The following LRRC20 variants were observed in gnomAD, a reference collection of about 807,000 sequenced individuals.
The protein encoded by LRRC20 is leucine rich repeat containing 20, also known as leucine-rich repeat-containing protein 20.
In LRRC20, 11 loss-of-function variants were observed where a neutral mutation model predicts 14.4. That is an observed-to-expected ratio of 0.77 (90% CI 0.48 to 1.27). LRRC20 has a LOEUF of 1.27. LRRC20 is among the 50% of genes most tolerant of loss of function. The pLI is 0.00. For synonymous variants in LRRC20, 121 were observed against 107.3 expected (o/e 1.13, Z -0.79); for missense variants, 219 against 251.2 (o/e 0.87, Z 0.87).
chr10:70,346,277 G>A lies in LRRC20; in HGVS notation c.83-5575C>T, dbSNP rs79697117. Among the ~76,000 whole-genome samples the A allele has an allele frequency of 2.1e-3, 313 of 152,178 alleles. 11 individuals carry two copies. The South Asian group carries it at 0.055, about 27-fold the overall frequency. On this transcript the variant is annotated intron_variant, in intron 2 of 4. Coordinates refer to ENST00000446961, the MANE Select transcript of LRRC20 (RefSeq NM_001278212.2). ...AATAAATAAAATAAATTTGCTTGAC[G>A]TGGTGGTGCCTGTGTGTAGTTCCAG...
chr10:70,352,749 C>T (rs1843360078), intron 2 of LRRC20, among the ~76,000 whole-genome samples: 1 of 152,158 alleles, frequency 6.6e-6, no homozygotes, highest in East Asian at 1.9e-4. Context: ...CCTAACACTC[C>T]CCTTTAAAAA....
At position 70,317,358 on chromosome 10, in the gene LRRC20, C is replaced by A. The variant is rs557564796; in HGVS notation, c.400+6505G>T. On this transcript the variant is annotated intron_variant, in intron 4 of 4. Coordinates refer to ENST00000446961, the MANE Select transcript of LRRC20 (RefSeq NM_001278212.2). ...GTCTCCCTTTCTTTTTTCCCTCTCT[C>A]TTTTTTTTTTTAAATTGTTGTTGCT... Among the ~76,000 whole-genome samples, 10 of 148,844 alleles carry A rather than the reference C, an allele frequency of 6.7e-5. No individual in the cohort carries two copies. The East Asian group carries it at 2.0e-3, about 29-fold the overall frequency.
chr10:70,325,463 AGGGT>A (rs1842282796), intron 3 of LRRC20, among the ~76,000 whole-genome samples: 1 of 152,132 alleles, frequency 6.6e-6, no homozygotes, highest in Non-Finnish European at 1.5e-5. Context: ...CATGTGTCTC[AGGGT>A]GGAGCACGCA....
intron 2 of LRRC20, among the ~76,000 whole-genome samples, chr10:70,361,568 TAAGAG>T (rs1442790672): frequency 1.3e-5 from 2 of 152,204 alleles, no homozygotes; most frequent in East Asian, 3.9e-4. Context: ...GGTACAGTGT[TAAGAG>T]AAGCAAACAA....
At position 70,299,309 on chromosome 10, in the gene LRRC20, C is replaced by T. The variant is rs1318683144; in HGVS notation, c.*2045G>A. 1 of 152,240 alleles carries T rather than the reference C, an allele frequency of 6.6e-6. No homozygotes were observed. The highest frequency in any genetic ancestry group is 1.5e-5 in the Non-Finnish European group (1 of 68,110). The allele number at this position is 152,240 out of a possible 1,614,324, so 9.4% of individuals were successfully genotyped here. ...AACAATCTAACAGGCCAAGTGTCTC[C>T]CAGGGTGGGTTAGGGAGGAGGCTGA... is the stretch of plus-strand genomic sequence containing the variant. On this transcript the variant is annotated 3_prime_UTR_variant, in exon 5 of 5. Transcript: ENST00000446961.
intron 3 of LRRC20, among the ~76,000 whole-genome samples, chr10:70,337,759 G>C (rs1177667156): frequency 2.6e-5 from 4 of 152,234 alleles, no homozygotes; most frequent in African/African-American, 9.6e-5. Flanking sequence ...ACAGCACTGG[G>C]TGGTGAGGAC....
chr10:70,338,840 T>C (rs986837627), intron 3 of LRRC20, among the ~76,000 whole-genome samples: 2 of 152,032 alleles, frequency 1.3e-5, no homozygotes, highest in Non-Finnish European at 2.9e-5. Context: ...TTTGTATTTT[T>C]AGTAGAGACA....
At chr10:70,317,523 C>A (rs1249659701) in intron 4 of LRRC20, among the ~76,000 whole-genome samples, 5 of 152,126 alleles carry the variant, frequency 3.3e-5, no homozygotes, top group Non-Finnish European at 7.4e-5. Flanking sequence ...AGGTATGCAC[C>A]ACCATGCCTG....
chr10:70,329,159 G>C (rs772661308), intron 3 of LRRC20, among the ~76,000 whole-genome samples: 1 of 152,156 alleles, frequency 6.6e-6, no homozygotes, highest in East Asian at 1.9e-4. Context: ...GCGGGAAATC[G>C]TGGCAATGAG....
intron 4 of LRRC20, among the ~76,000 whole-genome samples, chr10:70,304,021 G>A (rs1841310536): frequency 2.0e-5 from 3 of 151,982 alleles, no homozygotes; most frequent in African/African-American, 7.3e-5. Context: ...TGTGAATTTC[G>A]CCTCAGTTTT....
chr10:70,358,712 C>T (rs1843617262), intron 2 of LRRC20, among the ~76,000 whole-genome samples: 1 of 152,214 alleles, frequency 6.6e-6, no homozygotes, highest in Non-Finnish European at 1.5e-5. Flanking sequence ...CTCTGCCCAC[C>T]AGCCTAGCCC....
intron 3 of LRRC20, among the ~76,000 whole-genome samples, chr10:70,331,488 G>A (rs780790085): frequency 3.9e-5 from 6 of 152,184 alleles, no homozygotes; most frequent in South Asian, 2.1e-4. Context: ...CCACGGGATC[G>A]GCCAGTGTGT....
chr10:70,353,278 T>C (rs1843388379), intron 2 of LRRC20, among the ~76,000 whole-genome samples: 1 of 152,230 alleles, frequency 6.6e-6, no homozygotes, highest in Non-Finnish European at 1.5e-5. Context: ...ATATGACTTA[T>C]TCAAGGTCAA....
intron 3 of LRRC20, among the ~76,000 whole-genome samples, chr10:70,334,256 C>T (rs1389779558): frequency 6.6e-6 from 1 of 152,188 alleles, no homozygotes. Flanking sequence ...CCATGTCTGC[C>T]CTGCTGTCCC....
At position 70,322,870 on chromosome 10, in the gene LRRC20, G is replaced by C. The variant is rs560022099; in HGVS notation, c.400+993C>G. Among the ~76,000 whole-genome samples the C allele has an allele frequency of 5.3e-5, 8 of 152,012 alleles. No individual in the cohort carries two copies. The South Asian group carries it at 1.2e-3, about 24-fold the overall frequency. On this transcript the variant is annotated intron_variant, in intron 4 of 4. Coordinates refer to ENST00000446961, the MANE Select transcript of LRRC20 (RefSeq NM_001278212.2). Reference sequence around the variant, plus strand: ...CACCTCCCACCCAGCCAGGGTCAGAGTCCTGCCTGTGGCACCGCTGACAGA... The same window carrying C: ...CACCTCCCACCCAGCCAGGGTCAGACTCCTGCCTGTGGCACCGCTGACAGA...
chr10:70,350,409 A>C (rs931694447), intron 2 of LRRC20, among the ~76,000 whole-genome samples: 3 of 152,264 alleles, frequency 2.0e-5, no homozygotes, highest in Non-Finnish European at 4.4e-5. Flanking sequence ...TGCATTAATA[A>C]AGAAGCCTTT....
chr10:70,368,565 G>A (rs986738790), intron 2 of LRRC20, among the ~76,000 whole-genome samples: 8 of 151,744 alleles, frequency 5.3e-5, no homozygotes, highest in African/African-American at 1.7e-4. Flanking sequence ...ATCAGCCACC[G>A]CGCCCAGCCT....
At position 70,300,722 on chromosome 10, in the gene LRRC20, A is replaced by G. The variant is rs1265736810; in HGVS notation, c.*632T>C. 3 of 985,620 alleles carry G rather than the reference A, an allele frequency of 3.0e-6. No homozygotes were observed. Among genetic ancestry groups the G allele is most frequent in the Non-Finnish European group, 3.6e-6 (3 of 830,098 alleles). The allele number at this position is 985,620 out of a possible 1,614,324, so 61.1% of individuals were successfully genotyped here. A position where few individuals can be genotyped will look rare whatever the true frequency, so the allele number is the denominator to read the frequency against. ...AGCCTGCTGGTCCTCGGGCTCCTAC[A>G]TGAATGTTCTTGCCCTGCAGCAGTG... On this transcript the variant is annotated 3_prime_UTR_variant, in exon 5 of 5. Transcript: ENST00000446961.
chr10:70,372,445 G>GT (rs35874508), intron 2 of LRRC20, among the ~76,000 whole-genome samples: 94,452 of 133,194 alleles, frequency 0.71, 33,917 homozygotes, highest in Middle Eastern at 0.77. Context: ...CCTTCTTTTC[G>GT]TTTTTTTTTT....
Sources: allele counts gnomAD v4.1 joint callset (sites outside exome capture counted in the v4.1 genomes callset), GRCh38; gene constraint gnomAD v4.1.1; transcripts MANE v1.5; gene names NCBI Gene and HGNC (gene_info 2026-07-23, HGNC 2026-07-21).